The following IPP variants were observed in gnomAD, a reference collection of about 807,000 sequenced individuals.
IPP encodes the protein intracisternal A particle-promoted polypeptide.
A neutral mutation model predicts 64.1 loss-of-function variants in IPP; 41 were observed. The ratio of observed to expected loss-of-function variants is 0.64; its 90% CI spans 0.50 to 0.83. The LOEUF (loss-of-function observed/expected upper bound fraction) is 0.83, where lower values mean the gene tolerates loss of function less well. Ranked by LOEUF, IPP falls within the 40% of genes least tolerant of loss-of-function variation. IPP has a pLI of 0.00. For synonymous variants in IPP, 214 were observed against 235.2 expected (o/e 0.91, Z 0.83); for missense variants, 649 against 703.0 (o/e 0.92, Z 0.87).
At chr1:45,722,359 T>G (rs1298836619) in intron 5 of IPP, among the ~76,000 whole-genome samples, 1 of 151,752 alleles carries the variant, frequency 6.6e-6, no homozygotes, top group African/African-American at 2.4e-5. Context: ...GAGACCAGCC[T>G]GGCCAACATG....
At chr1:45,723,320 A>G (rs180818202) in intron 5 of IPP, among the ~76,000 whole-genome samples, 10 of 152,328 alleles carry the variant, frequency 6.6e-5, no homozygotes, top group Non-Finnish European at 1.3e-4. Context: ...TATAATTTTA[A>G]AAGTATTTAA....
intron 5 of IPP, among the ~76,000 whole-genome samples, chr1:45,721,571 T>C (rs1234485650): frequency 6.6e-6 from 1 of 152,224 alleles, no homozygotes; most frequent in Non-Finnish European, 1.5e-5. Context: ...ACATGTGCCT[T>C]TTCCTTTGGC....
chr1:45,738,381 T>C (rs2148578847), intron 3 of IPP, among the ~76,000 whole-genome samples: 1 of 152,230 alleles, frequency 6.6e-6, no homozygotes, highest in East Asian at 1.9e-4. Context: ...AACCATAATG[T>C]TCAGTTGTTA....
chr1:45,728,888 GA>G (rs1557752891), intron 4 of IPP, among the ~76,000 whole-genome samples: 1 of 152,050 alleles, frequency 6.6e-6, no homozygotes, highest in Non-Finnish European at 1.5e-5. Flanking sequence ...AGCACTTTGG[GA>G]GGCCAAGGCA....
At chr1:45,717,462 C>G (rs1645676272) in intron 6 of IPP, among the ~76,000 whole-genome samples, 1 of 151,926 alleles carries the variant, frequency 6.6e-6, no homozygotes, top group African/African-American at 2.4e-5. Context: ...TCAGGAATTT[C>G]AAAAAGGCCC....
intron 2 of IPP, 145 bp downstream of exon 2, chr1:45,745,975 C>T (rs141659336): frequency 8.4e-5 from 52 of 617,212 alleles, no homozygotes; most frequent in South Asian, 7.6e-4. Flanking sequence ...AAAGGAGCAC[C>T]GGGTCATAAG....
At position 45,699,950 on chromosome 1, in the gene IPP, T is replaced by C. The variant is rs1171139171; in HGVS notation, c.*16A>G. On this transcript the variant is annotated 3_prime_UTR_variant, in exon 9 of 9. Coordinates refer to ENST00000396478, the MANE Select transcript of IPP (RefSeq NM_005897.3). ...CATTTTCAAAATGTTCCTTGTGCTC[T>C]GTTATGCTTTATATTTCATAGCACA... 2.5e-6 allele frequency: 4 copies of C among 1,613,412 alleles called. No homozygotes were observed. In the South Asian group the frequency reaches 3.3e-5, roughly 13 times the overall value.
chr1:45,698,696 A>G (rs1161604184), downstream of IPP: 81 of 961,036 alleles, frequency 8.4e-5, no homozygotes, highest in Non-Finnish European at 9.8e-5. Context: ...CAATCTAGCA[A>G]AAAAGGAAGA....
rs959818691 is a variant in IPP at position 45,720,435 on chromosome 1, C to A, written c.1049-1095G>T. On this transcript the variant is annotated intron_variant, in intron 5 of 8. Coordinates refer to ENST00000396478, the MANE Select transcript of IPP (RefSeq NM_005897.3). Reference sequence around the variant, plus strand: ...GATTTTTGTATTTAAAAAAAAGAGTCAATGTAAAGATGATAGTTACCCCAT... The same window carrying A: ...GATTTTTGTATTTAAAAAAAAGAGTAAATGTAAAGATGATAGTTACCCCAT... Among the ~76,000 whole-genome samples, 9 of 151,914 alleles carry A rather than the reference C, an allele frequency of 5.9e-5. No individual in the cohort carries two copies. The South Asian group carries it at 1.9e-3, about 32-fold the overall frequency.
At chr1:45,737,426 T>C (rs142254158) in intron 3 of IPP, among the ~76,000 whole-genome samples, 192 of 151,846 alleles carry the variant, frequency 1.3e-3, no homozygotes, top group African/African-American at 4.6e-3. Flanking sequence ...ATTTCCAAAA[T>C]ATTAAGTGGA....
At chr1:45,732,077 T>C (rs1328158106) in intron 3 of IPP, among the ~76,000 whole-genome samples, 2 of 152,048 alleles carry the variant, frequency 1.3e-5, no homozygotes, top group East Asian at 3.9e-4. Context: ...ATGTCGCTCC[T>C]GGCCAGGCAC....
chr1:45,713,574 T>C (rs1184635491), intron 8 of IPP, among the ~76,000 whole-genome samples: 1 of 151,210 alleles, frequency 6.6e-6, no homozygotes, highest in African/African-American at 2.4e-5. Flanking sequence ...AAAAAAAAAT[T>C]ACTCTTTTGA....
intron 4 of IPP, among the ~76,000 whole-genome samples, chr1:45,728,094 G>T (rs1159066734): frequency 6.6e-6 from 1 of 150,824 alleles, no homozygotes; most frequent in Non-Finnish European, 1.5e-5. Context: ...TTTCATTAAT[G>T]TCTTTTTCAA....
Position 45,699,790 on chromosome 1 carries a change from A to T in IPP, c.*176T>A. The T allele has an allele frequency of 1.4e-6, 2 of 1,399,982 alleles. No individual in the cohort carries two copies. Among genetic ancestry groups the T allele is most frequent in the Non-Finnish European group, 1.9e-6 (2 of 1,075,704 alleles). The allele number at this position is 1,399,982 out of a possible 1,614,324, so 86.7% of individuals were successfully genotyped here. On this transcript the variant is annotated 3_prime_UTR_variant, in exon 9 of 9. Transcript: ENST00000396478. Reference sequence around the variant, plus strand: ...TGATCCTTCTGCCTCAGCCTTCCAAAGTGCTGGGATTATAGGCATGAGGCC... The same window carrying T: ...TGATCCTTCTGCCTCAGCCTTCCAATGTGCTGGGATTATAGGCATGAGGCC...
At chr1:45,738,402 C>T (rs1646008333) in intron 3 of IPP, among the ~76,000 whole-genome samples, 1 of 151,888 alleles carries the variant, frequency 6.6e-6, no homozygotes, top group African/African-American at 2.4e-5. Flanking sequence ...CCTAGTGTCC[C>T]TAAGTGCAAG....
chr1:45,724,156 T>G (rs956871799), intron 5 of IPP, among the ~76,000 whole-genome samples: 34 of 151,734 alleles, frequency 2.2e-4, no homozygotes, highest in Admixed American at 3.3e-4. Flanking sequence ...TGGTTTTCGG[T>G]TTTTTTTGGT....
intron 1 of IPP, among the ~76,000 whole-genome samples, chr1:45,748,370 T>C (rs1646169154): frequency 6.6e-6 from 1 of 152,080 alleles, no homozygotes; most frequent in Admixed American, 6.5e-5. Flanking sequence ...ATAAATTTTT[T>C]AAAGAGGGTG....
At chr1:45,724,666 C>T (rs1218247589) in intron 5 of IPP, among the ~76,000 whole-genome samples, 1 of 151,470 alleles carries the variant, frequency 6.6e-6, no homozygotes, top group East Asian at 2.0e-4. Flanking sequence ...CTCTGCCGGG[C>T]CGCAACCCTG....
In IPP at chr1:45,741,268, C is replaced by A; in HGVS notation, c.357G>T (p.Leu119Phe). 1.9e-6 allele frequency: 3 copies of A among 1,613,898 alleles called. No homozygotes were observed. The highest frequency in any genetic ancestry group is 3.3e-4 in the Middle Eastern group (2 of 6,058). Residue 119 changes from leucine to phenylalanine, a missense_variant, in exon 3 of 9, where the codon TTG becomes TTT. Coordinates refer to ENST00000396478, the MANE Select transcript of IPP (RefSeq NM_005897.3). ...CACAGCAAAGATGAACAACTTCAGT[C>A]AACTGTAGCATGTCTGCTGCAATAA... ...ELIIAADMLQ[L>F]TEVVHLCCEF... is the part of the protein sequence containing the mutation.
Sources: gnomAD v4.1 joint callset for allele counts (sites outside exome capture counted in the v4.1 genomes callset) on GRCh38, gnomAD v4.1.1 for gene constraint, MANE v1.5 for transcripts, NCBI Gene and HGNC (gene_info 2026-07-23, HGNC 2026-07-21) for gene names.